Variants in ROCK2 observed in about 807,000 individuals in gnomAD.
ROCK2 encodes the protein rho-associated protein kinase 2.
A neutral mutation model predicts 195.1 loss-of-function variants in ROCK2; 61 were observed. The observed-to-expected ratio is 0.31, with a 90% CI of 0.25 to 0.39. ROCK2 has a LOEUF of 0.39. Ranked by LOEUF, ROCK2 falls within the 10% of genes least tolerant of loss-of-function variation. The probability of loss-of-function intolerance (pLI) is 1.00; values close to 1 mark genes in which losing one functional copy is unlikely to be tolerated. For synonymous variants in ROCK2, 504 were observed against 545.5 expected (o/e 0.92, Z 1.06); for missense variants, 1,109 against 1,637.4 (o/e 0.68, Z 5.57).
intron 3 of ROCK2, among the ~76,000 whole-genome samples, chr2:11,255,229 A>C (rs1275849964): frequency 1.3e-5 from 2 of 150,068 alleles, no homozygotes; most frequent in African/African-American, 5.0e-5. Context: ...AAAAAAAAAA[A>C]AAAAAAAACT....
At chr2:11,214,142 T>G (rs1360428968) in intron 17 of ROCK2, among the ~76,000 whole-genome samples, 1 of 152,182 alleles carries the variant, frequency 6.6e-6, no homozygotes, top group African/African-American at 2.4e-5. Flanking sequence ...TGGGTCCCCT[T>G]ACTTCATGAG....
chr2:11,198,538 C>T lies in ROCK2; in HGVS notation c.3052G>A (p.Ala1018Thr), dbSNP rs780090672. The change falls in exon 25 of 33, where the codon GCA becomes ACA. Residue 1018 changes from alanine (A) to threonine (T), a missense_variant. Transcript: ENST00000315872. ...DEEISAAAIK[A>T]QFEKQLLTER... is the part of the protein sequence containing the mutation. ...GTTAATAGCTGCTTCTCAAACTGTG[C>T]TTTAATAGCTGCTGCGCTTATTTCT... 3.7e-5 allele frequency: 59 copies of T among 1,613,158 alleles called. No homozygotes were observed. The South Asian group carries it at 5.5e-4, about 15-fold the overall frequency.
At chr2:11,343,944 G>C in intron 1 of ROCK2, 52 bp downstream of exon 1, 1 of 1,553,422 alleles carries the variant, frequency 6.4e-7, no homozygotes, top group South Asian at 1.2e-5. Context: ...GGCGGAGAGG[G>C]GATCTGAGGT....
At chr2:11,274,805 T>C (rs1275593838) in intron 3 of ROCK2, among the ~76,000 whole-genome samples, 1 of 152,194 alleles carries the variant, frequency 6.6e-6, no homozygotes, top group East Asian at 1.9e-4. Flanking sequence ...GACATCACGG[T>C]AGTCCCCTCT....
rs1664390567 is a variant in ROCK2 at position 11,215,394 on chromosome 2, T to C, written c.1616A>G (p.Gln539Arg). The C allele has an allele frequency of 6.2e-7, 1 of 1,608,328 alleles. No homozygotes were observed. The highest frequency in any genetic ancestry group is 8.5e-7 in the Non-Finnish European group (1 of 1,178,056). ...LENDVNSLKD[Q>R]LEDLKKRNQN... ...ATTTCTTTTTTTCAAATCTTCAAGT[T>C]GATCTTTTAAGCTGTTAACTATGAT... Residue 539 changes from glutamine to arginine, a missense_variant, in exon 15 of 33, where the codon CAA becomes CGA. This residue lies in a region of ROCK2 where 542 missense variants were observed against 672.0 expected (regional missense o/e 0.81). Transcript: ENST00000315872.
At chr2:11,232,600 T>G (rs1223137939) in intron 5 of ROCK2, among the ~76,000 whole-genome samples, 1 of 152,234 alleles carries the variant, frequency 6.6e-6, no homozygotes, top group East Asian at 1.9e-4. Flanking sequence ...TCTTAAACAT[T>G]GTATAATTAT....
At chr2:11,205,812 T>C (rs1664029657) in intron 20 of ROCK2, among the ~76,000 whole-genome samples, 1 of 152,074 alleles carries the variant, frequency 6.6e-6, no homozygotes, top group Admixed American at 6.6e-5. Context: ...TGTAAAACCT[T>C]AATCAAGGAT....
At chr2:11,316,810 AAGAG>A (rs1243719284) in intron 1 of ROCK2, among the ~76,000 whole-genome samples, 1 of 152,208 alleles carries the variant, frequency 6.6e-6, no homozygotes, top group Non-Finnish European at 1.5e-5. Context: ...CTAGAACAAA[AAGAG>A]AGGGCTAAAA....
intron 1 of ROCK2, among the ~76,000 whole-genome samples, chr2:11,317,610 ATAT>A (rs1378363858): frequency 0.013 from 212 of 16,760 alleles, 1 homozygote; most frequent in Non-Finnish European, 0.017. Context: ...ATATATATAT[ATAT>A]TTTTTTTTTT....
At chr2:11,278,588 A>G (rs1260850240) in intron 3 of ROCK2, among the ~76,000 whole-genome samples, 1 of 152,128 alleles carries the variant, frequency 6.6e-6, no homozygotes, top group Non-Finnish European at 1.5e-5. Context: ...TACTAGTGGA[A>G]TTGCTGGATT....
chr2:11,273,409 A>G (rs1305695247), intron 3 of ROCK2, among the ~76,000 whole-genome samples: 5 of 152,148 alleles, frequency 3.3e-5, no homozygotes, highest in African/African-American at 1.2e-4. Flanking sequence ...GAAACAAAAA[A>G]AAACATTATA....
At chr2:11,318,728 G>T (rs1404926309) in intron 1 of ROCK2, among the ~76,000 whole-genome samples, 1 of 152,098 alleles carries the variant, frequency 6.6e-6, no homozygotes, top group African/African-American at 2.4e-5. Context: ...GGTTTTTACG[G>T]TTTTAAATGA....
intron 29 of ROCK2, 88 bp from the exon 30 acceptor site, chr2:11,193,945 C>T (rs1663530485): frequency 1.5e-6 from 1 of 671,898 alleles, no homozygotes; most frequent in African/African-American, 1.9e-5. Context: ...AGACGTTAAA[C>T]ACTGACTACT....
intron 4 of ROCK2, among the ~76,000 whole-genome samples, chr2:11,238,134 A>G (rs935615815): frequency 6.6e-6 from 1 of 151,974 alleles, no homozygotes; most frequent in African/African-American, 2.4e-5. Flanking sequence ...ACATAATTTT[A>G]AAATGGAAGG....
intron 1 of ROCK2, among the ~76,000 whole-genome samples, chr2:11,300,019 T>C: frequency 6.6e-6 from 1 of 152,200 alleles, no homozygotes; most frequent in East Asian, 1.9e-4. Context: ...CGAATCTAAT[T>C]CACAGTTTTT....
At chr2:11,337,966 CA>C (rs1024680468) in intron 1 of ROCK2, among the ~76,000 whole-genome samples, 47 of 152,192 alleles carry the variant, frequency 3.1e-4, no homozygotes, top group African/African-American at 9.6e-4. Context: ...AAAGTAAACA[CA>C]TATCTGCCCT....
chr2:11,254,183 C>A (rs531305426), intron 3 of ROCK2, among the ~76,000 whole-genome samples: 40 of 152,254 alleles, frequency 2.6e-4, no homozygotes, highest in Middle Eastern at 6.8e-3. Flanking sequence ...TTGTAAACAA[C>A]CATCAAAAAT....
At chr2:11,252,227 A>G (rs1016351179) in intron 3 of ROCK2, among the ~76,000 whole-genome samples, 11 of 152,108 alleles carry the variant, frequency 7.2e-5, no homozygotes, top group African/African-American at 2.7e-4. Context: ...CCTGGCCAAC[A>G]TGGTGAAACC....
chr2:11,295,672 G>C (rs1375602645), intron 1 of ROCK2, among the ~76,000 whole-genome samples: 1 of 152,102 alleles, frequency 6.6e-6, no homozygotes, highest in Non-Finnish European at 1.5e-5. Context: ...TACCTTAAGA[G>C]AAGGCCTGGC....
Sources: gnomAD v4.1 joint callset for allele counts (sites outside exome capture counted in the v4.1 genomes callset) on GRCh38, gnomAD v4.1.1 for gene constraint, gnomAD v4.1.1 regional missense constraint, MANE v1.5 for transcripts, NCBI Gene and HGNC (gene_info 2026-07-23, HGNC 2026-07-21) for gene names.